The following CALD1 variants were observed in gnomAD, a reference collection of about 807,000 sequenced individuals.
CALD1 encodes caldesmon.
In CALD1, 33 loss-of-function variants were observed where a neutral mutation model predicts 99.9. The ratio of observed to expected loss-of-function variants is 0.33; its 90% confidence interval spans 0.25 to 0.44. The LOEUF is 0.44. Among genes scored for constraint, CALD1 ranks in the 20% least tolerant of loss-of-function variants. CALD1 has a pLI of 1.00. For synonymous variants in CALD1, 310 were observed against 325.0 expected (o/e 0.95, Z 0.50); for missense variants, 861 against 962.1 (o/e 0.89, Z 1.39).
chr7:134,919,650 G>A (rs1302060057), intron 3 of CALD1, among the ~76,000 whole-genome samples: 1 of 152,118 alleles, frequency 6.6e-6, no homozygotes, highest in African/African-American at 2.4e-5. Context: ...GTGGGAGAAT[G>A]GGGAATAAAT....
chr7:134,894,701 C>T (rs769617763), intron 3 of CALD1, among the ~76,000 whole-genome samples: 1 of 152,156 alleles, frequency 6.6e-6, no homozygotes, highest in Non-Finnish European at 1.5e-5. Context: ...ATGTTATTTT[C>T]AGGAGCAGTC....
chr7:134,970,620 A>C lies in CALD1; in HGVS notation c.*2275A>C, dbSNP rs1213232866. 6.6e-6 allele frequency: 1 copy of C among 152,662 alleles called. No individual in the cohort carries two copies. The highest frequency in any genetic ancestry group is 1.5e-5 in the Non-Finnish European group (1 of 68,048). 9.5% of individuals were successfully genotyped at this position (152,662 alleles called of 1,614,324 possible). A position where few individuals can be genotyped will look rare whatever the true frequency, so the allele number is the denominator to read the frequency against. ...ATATTGTGAAAATGCATCCACAATA[A>C]ATGGAATTCCTTCCTGCAAAATGTC... On this transcript the variant is annotated 3_prime_UTR_variant, in exon 15 of 15. Coordinates refer to ENST00000361675, the MANE Select transcript of CALD1 (RefSeq NM_033138.4).
intron 1 of CALD1, among the ~76,000 whole-genome samples, chr7:134,811,590 A>G (rs1359214778): frequency 3.9e-5 from 6 of 152,212 alleles, no homozygotes; most frequent in Non-Finnish European, 7.3e-5. Context: ...TTGAAGTTTA[A>G]TTAACTGATA....
chr7:134,936,919 G>C (rs1379977502), intron 6 of CALD1, among the ~76,000 whole-genome samples: 2 of 152,122 alleles, frequency 1.3e-5, no homozygotes, highest in African/African-American at 4.8e-5. Context: ...AGGCAGTCAA[G>C]GAAATCATTC....
At chr7:134,723,569 A>C in the CALD1 span, among the ~76,000 whole-genome samples, 1 of 128,962 alleles carries the variant, frequency 7.8e-6, no homozygotes, top group African/African-American at 3.0e-5. Context: ...TTTTGCAGAA[A>C]ACTGCAAGCT....
chr7:134,929,624 G>GTATATATACACACATATATGTA, intron 4 of CALD1, among the ~76,000 whole-genome samples: 8 of 1,362 alleles, frequency 5.9e-3, no homozygotes, highest in African/African-American at 0.015. Context: ...ATATATACGT[G>GTATATATACACACATATATGTA]TGTGTGTGTG....
rs376620672 is a variant in CALD1 at position 134,879,793 on chromosome 7, TA to T, written c.71+11990del. Reference sequence around the variant, plus strand: ...GGGCTTACTTCTAGTTGATCTATTTTAGTGAGACCTGACATTGCATTTGAGA... The same window carrying T: ...GGGCTTACTTCTAGTTGATCTATTTTGTGAGACCTGACATTGCATTTGAGA... On this transcript the variant is annotated intron_variant, in intron 3 of 14. Transcript: ENST00000361675. Among the ~76,000 whole-genome samples the T allele has an allele frequency of 4.7e-4, 71 of 152,348 alleles. 2 individuals carry two copies. In the South Asian group the frequency reaches 0.014, roughly 31 times the overall value.
At chr7:134,741,608 G>A (rs2131532822), upstream of CALD1, among the ~76,000 whole-genome samples, 1 of 152,266 alleles carries the variant, frequency 6.6e-6, no homozygotes, top group East Asian at 1.9e-4. Context: ...ACAGGGAGTT[G>A]CTTTAGTGCC....
intron 2 of CALD1, among the ~76,000 whole-genome samples, chr7:134,864,830 G>A (rs1407289481): frequency 6.6e-6 from 1 of 152,180 alleles, no homozygotes; most frequent in Non-Finnish European, 1.5e-5. Flanking sequence ...ATCTGCCTCT[G>A]TTAAGGTTTT....
chr7:134,886,966 G>A (rs1801884864), intron 3 of CALD1, among the ~76,000 whole-genome samples: 4 of 152,084 alleles, frequency 2.6e-5, no homozygotes, highest in African/African-American at 9.7e-5. Context: ...AGTGCTACGC[G>A]AAGCAAAGCA....
chr7:134,723,534 CTTTTTTTTTTTTTTTTT>C, the CALD1 span, among the ~76,000 whole-genome samples: 1 of 87,670 alleles, frequency 1.1e-5, no homozygotes, highest in African/African-American at 4.7e-5. Flanking sequence ...GAAAAGGTAA[CTTTTTTTTTTTTTTTTT>C]TTTTTTTTTT....
chr7:134,865,261 G>C (rs182181033), intron 2 of CALD1, among the ~76,000 whole-genome samples: 1 of 152,060 alleles, frequency 6.6e-6, no homozygotes, highest in East Asian at 1.9e-4. Context: ...TGTGATATAA[G>C]GGTGCAGGGA....
the CALD1 span, among the ~76,000 whole-genome samples, chr7:134,711,660 C>A: frequency 0.085 from 6,611 of 78,122 alleles, 330 homozygotes; most frequent in Non-Finnish European, 0.089. Context: ...CTCTCTCTCT[C>A]TATATATATA....
At chr7:134,910,985 G>A (rs957551812) in intron 3 of CALD1, among the ~76,000 whole-genome samples, 95 of 152,294 alleles carry the variant, frequency 6.2e-4, no homozygotes, top group African/African-American at 2.2e-3. Flanking sequence ...ACACTGGCAA[G>A]AAAGTTTGTG....
In CALD1 at chr7:134,947,779, G is replaced by C; in HGVS notation, c.1794+10G>C. On this transcript the variant is annotated intron_variant, in intron 8 of 14. Transcript: ENST00000361675. ...AAAACTCAGAGAGGAGGTAAGGCGG[G>C]CGCTAGCCCACTGAGAACGTTGCCC... The C allele has an allele frequency of 1.9e-6, 3 of 1,609,424 alleles. No individual in the cohort carries two copies. Among genetic ancestry groups the C allele is most frequent in the Non-Finnish European group, 2.5e-6 (3 of 1,177,576 alleles).
At chr7:134,932,138 C>T (rs1369352301) in intron 4 of CALD1, among the ~76,000 whole-genome samples, 5 of 152,108 alleles carry the variant, frequency 3.3e-5, no homozygotes, top group African/African-American at 1.2e-4. Context: ...ATTTCATTGG[C>T]AGTTATTGGT....
chr7:134,954,837 C>T (rs756823528), intron 9 of CALD1, among the ~76,000 whole-genome samples: 9 of 152,208 alleles, frequency 5.9e-5, no homozygotes, highest in Non-Finnish European at 1.3e-4. Flanking sequence ...CTTGCTTTGC[C>T]AGAAATGCCC....
chr7:134,814,064 A>C (rs1417619025), intron 1 of CALD1, among the ~76,000 whole-genome samples: 1 of 152,164 alleles, frequency 6.6e-6, no homozygotes, highest in Non-Finnish European at 1.5e-5. Context: ...AACATCTAGA[A>C]ATGAAGGGAA....
At position 134,933,541 on chromosome 7, in the gene CALD1, G is replaced by A. The variant is rs1455037574; in HGVS notation, c.772G>A (p.Glu258Lys). Reference protein sequence around the residue: ...SDEISHHEKMEEEDKERAEAE... With the variant: ...SDEISHHEKMKEEDKERAEAE... ...TGAGATTTCCCATCATGAAAAGATG[G>A]AAGAGGAAGACAAGGAAAGAGCTGA... Residue 258 changes from glutamate to lysine, a missense_variant, in exon 5 of 15, where the codon GAA becomes AAA. Glu to Lys is a moderately conservative substitution (Grantham distance 56). This residue lies in a region of CALD1 where 234 missense variants were observed against 233.1 expected (regional missense o/e 1.00). Coordinates refer to ENST00000361675, the MANE Select transcript of CALD1 (RefSeq NM_033138.4). The A allele has an allele frequency of 6.2e-7, 1 of 1,613,888 alleles. No homozygotes were observed. Among genetic ancestry groups the A allele is most frequent in the Admixed American group, 1.7e-5 (1 of 59,992 alleles).
Sources: gnomAD v4.1 joint callset for allele counts (sites outside exome capture counted in the v4.1 genomes callset) on GRCh38, gnomAD v4.1.1 for gene constraint, gnomAD v4.1.1 regional missense constraint, MANE v1.5 for transcripts, NCBI Gene and HGNC (gene_info 2026-07-23, HGNC 2026-07-21) for gene names.